PCDH11Y: variants seen among roughly 807,000 people sequenced by gnomAD.
PCDH11Y encodes protocadherin-11 Y-linked.
For missense variants in PCDH11Y, 12 were observed against 224.8 expected (o/e 0.05, Z 6.05); for synonymous variants, 9 against 83.6 (o/e 0.11, Z 4.87).
intron 1 of PCDH11Y, among the ~76,000 whole-genome samples, chrY:5,089,614 A>C: frequency 5.9e-5 from 2 of 33,900 alleles, no homozygotes; most frequent in Admixed American, 5.4e-4. Flanking sequence ...TGCCAATTTG[A>C]AAGTATTTGC....
chrY:5,050,937 C>A, intron 3 of PCDH11Y, among the ~76,000 whole-genome samples: 2 of 30,978 alleles, frequency 6.5e-5, no homozygotes, highest in Non-Finnish European at 1.6e-4. Context: ...ATGCCTGAAC[C>A]CTCCATTATT....
intron 3 of PCDH11Y, among the ~76,000 whole-genome samples, chrY:5,044,739 G>A: frequency 3.1e-5 from 1 of 32,415 alleles, no homozygotes; most frequent in African/African-American, 1.2e-4. Flanking sequence ...TTAATGTGTG[G>A]GAGTCTAAGT....
intron 3 of PCDH11Y, among the ~76,000 whole-genome samples, chrY:5,035,235 TA>T (rs2052597565): frequency 1.7e-4 from 5 of 28,693 alleles, no homozygotes; most frequent in South Asian, 7.8e-4. Flanking sequence ...TGCTTTGTTT[TA>T]AAAAAAAAAC....
intron 4 of PCDH11Y, among the ~76,000 whole-genome samples, chrY:5,669,394 C>A: frequency 6.2e-5 from 2 of 32,044 alleles, no homozygotes; most frequent in African/African-American, 2.4e-4. Flanking sequence ...TTTTTAGTTT[C>A]CAAATATAAG....
intron 4 of PCDH11Y, among the ~76,000 whole-genome samples, chrY:5,674,839 T>C: frequency 3.0e-5 from 1 of 33,769 alleles, no homozygotes; most frequent in East Asian, 7.8e-4. Flanking sequence ...GCTATGGCTA[T>C]TGTATTTCCA....
intron 3 of PCDH11Y, among the ~76,000 whole-genome samples, chrY:5,560,604 G>A (rs2124695083): frequency 3.0e-5 from 1 of 32,932 alleles, no homozygotes; most frequent in South Asian, 6.7e-4. Flanking sequence ...GGTACAGCTC[G>A]AGTCATGGCT....
intron 3 of PCDH11Y, among the ~76,000 whole-genome samples, chrY:5,509,872 C>T (rs2053362511): frequency 6.8e-5 from 2 of 29,382 alleles, no homozygotes; most frequent in Non-Finnish European, 1.6e-4. Context: ...TGCTTTTGGC[C>T]GGGCACGGTG....
intron 3 of PCDH11Y, among the ~76,000 whole-genome samples, chrY:5,040,578 A>G: frequency 3.2e-5 from 1 of 31,681 alleles, no homozygotes; most frequent in African/African-American, 1.2e-4. Context: ...ATATACTATT[A>G]TATTACCCCT....
At chrY:5,362,876 G>C in intron 2 of PCDH11Y, among the ~76,000 whole-genome samples, 1 of 32,103 alleles carries the variant, frequency 3.1e-5, no homozygotes, top group Admixed American at 2.9e-4. Context: ...ATTGTGAATA[G>C]TGCTGAAAGC....
chrY:5,431,739 G>T, intron 2 of PCDH11Y, among the ~76,000 whole-genome samples: 1 of 33,233 alleles, frequency 3.0e-5, no homozygotes, highest in Admixed American at 2.8e-4. Flanking sequence ...TAAATCTATA[G>T]AATATTTTGA....
At chrY:5,058,356 A>G (rs2124628468) in intron 1 of PCDH11Y, among the ~76,000 whole-genome samples, 5 of 31,518 alleles carry the variant, frequency 1.6e-4, no homozygotes, top group African/African-American at 4.9e-4. Context: ...AAATAGTACA[A>G]TGCACTTGAA....
chrY:5,117,713 C>T (rs2124639718), intron 2 of PCDH11Y, among the ~76,000 whole-genome samples: 1 of 32,238 alleles, frequency 3.1e-5, no homozygotes, highest in Non-Finnish European at 7.5e-5. Context: ...CACCTTCTCT[C>T]ATCTCTGACA....
chrY:5,624,044 A>G (rs2053503824), intron 4 of PCDH11Y, among the ~76,000 whole-genome samples: 1 of 32,869 alleles, frequency 3.0e-5, no homozygotes. Flanking sequence ...TTTGATTTGC[A>G]GTTCTCTAAT....
At chrY:5,250,605 C>T in intron 2 of PCDH11Y, among the ~76,000 whole-genome samples, 1 of 32,004 alleles carries the variant, frequency 3.1e-5, no homozygotes, top group Non-Finnish European at 7.6e-5. Context: ...GACACTGGGG[C>T]CTACTGGAAG....
intron 2 of PCDH11Y, among the ~76,000 whole-genome samples, chrY:5,391,876 T>A: frequency 3.0e-5 from 1 of 33,452 alleles, no homozygotes; most frequent in Non-Finnish European, 7.4e-5. Flanking sequence ...ATTAATACTT[T>A]CCTGTAATTT....
chrY:5,136,114 TC>T (rs2052839956), intron 2 of PCDH11Y, among the ~76,000 whole-genome samples: 1 of 28,382 alleles, frequency 3.5e-5, no homozygotes, highest in African/African-American at 1.3e-4. Context: ...GGTGCTTGTA[TC>T]CACAACTGGG....
intron 2 of PCDH11Y, among the ~76,000 whole-genome samples, chrY:5,358,330 G>GA (rs2124671439): frequency 3.0e-5 from 1 of 33,823 alleles, no homozygotes; most frequent in Admixed American, 2.7e-4. Flanking sequence ...TTTCAAGAGG[G>GA]AAAAAATACA....
At chrY:5,631,482 T>C (rs2053512248) in intron 4 of PCDH11Y, among the ~76,000 whole-genome samples, 2 of 33,302 alleles carry the variant, frequency 6.0e-5, no homozygotes, top group African/African-American at 1.2e-4. Context: ...TCATGGAAAG[T>C]GTAACAGCTT....
At chrY:5,244,595 G>A in intron 2 of PCDH11Y, among the ~76,000 whole-genome samples, 5 of 33,718 alleles carry the variant, frequency 1.5e-4, no homozygotes, top group African/African-American at 2.3e-4. Context: ...CTGGGAAACC[G>A]TGCTTTTTCA....
Sources: gnomAD v4.1 joint callset for allele counts (sites outside exome capture counted in the v4.1 genomes callset) on GRCh38, gnomAD v4.1.1 for gene constraint, MANE v1.5 for transcripts, NCBI Gene and HGNC (gene_info 2026-07-23, HGNC 2026-07-21) for gene names.